The following TRPC4AP variants were observed in gnomAD, a reference collection of about 807,000 sequenced individuals.
TRPC4AP encodes the protein short transient receptor potential channel 4-associated protein.
In TRPC4AP, 45 loss-of-function variants were observed where a neutral mutation model predicts 99.0. The ratio of observed to expected loss-of-function variants is 0.45; its 90% CI spans 0.36 to 0.58. The LOEUF is 0.58. TRPC4AP is among the 20% of genes least tolerant of loss of function. TRPC4AP has a pLI of 0.00. For missense variants in TRPC4AP, 879 were observed against 985.3 expected, an observed-to-expected ratio of 0.89 and a Z score of 1.44; for synonymous variants, 408 against 385.8, an observed-to-expected ratio of 1.06 and a Z score of -0.67.
chr20:35,049,785 G>T lies in TRPC4AP; in HGVS notation c.657+81C>A, dbSNP rs896385969. 4 of 1,450,986 alleles carry T rather than the reference G, an allele frequency of 2.8e-6. No individual in the cohort carries two copies. The East Asian group carries it at 7.1e-5, about 26-fold the overall frequency. The allele number at this position is 1,450,986 out of a possible 1,614,324, so 89.9% of individuals were successfully genotyped here. A position where few individuals can be genotyped will look rare whatever the true frequency, so the allele number is the denominator to read the frequency against. ...TAATTTAACACTTTCTTTTAAAAAAGCTCTGTATATTATTCAGTTTTGAGA... is the reference window on the plus strand; with the variant it reads ...TAATTTAACACTTTCTTTTAAAAAATCTCTGTATATTATTCAGTTTTGAGA... On this transcript the variant is annotated intron_variant, in intron 6 of 18. Transcript: ENST00000252015.
chr20:35,004,488 G>A lies in TRPC4AP; in HGVS notation c.2019C>T (p.Ile673=). Reference sequence around the variant, plus strand: ...TCAGCGTCTGCACGTGGATGATGTTGATGAGGCGGAAGAGGAAGGACATCT... The same window carrying A: ...TCAGCGTCTGCACGTGGATGATGTTAATGAGGCGGAAGAGGAAGGACATCT... ...PTQMSFLFRL[I]NIIHVQTLTQ... The change falls in exon 17 of 19, where the codon ATC becomes ATT. Residue 673 remains isoleucine (I), a synonymous_variant. Coordinates refer to ENST00000252015, the MANE Select transcript of TRPC4AP (RefSeq NM_015638.3). 1 of 1,614,058 alleles carries A rather than the reference G, an allele frequency of 6.2e-7. No individual in the cohort carries two copies. Among genetic ancestry groups the A allele is most frequent in the Non-Finnish European group, 8.5e-7 (1 of 1,179,950 alleles).
At chr20:35,070,872 G>GA (rs1318093223) in intron 2 of TRPC4AP, among the ~76,000 whole-genome samples, 2 of 151,474 alleles carry the variant, frequency 1.3e-5, no homozygotes, top group African/African-American at 4.8e-5. Flanking sequence ...AAGCTAAGAG[G>GA]AAAAAAAATC....
chr20:35,008,885 G>A, intron 12 of TRPC4AP, 138 bp from the exon 13 acceptor site: 2 of 726,322 alleles, frequency 2.8e-6, no homozygotes, highest in African/African-American at 3.5e-5. Context: ...GCTCCAACTG[G>A]GTCCAGAGCC....
Position 35,033,519 on chromosome 20 carries a change from T to G in TRPC4AP, c.1051+1604A>C, listed in dbSNP as rs1406209243. ...ACTAACTGCTGACTGAATTCTCGAC[T>G]GTTTTTGATAATGCCCTGGAGTATA... On this transcript the variant is annotated intron_variant, in intron 8 of 18. Transcript: ENST00000252015. Among the ~76,000 whole-genome samples the G allele has an allele frequency of 2.0e-5, 3 of 152,232 alleles. No homozygotes were observed. In the East Asian group the frequency reaches 5.8e-4, roughly 29 times the overall value.
intron 2 of TRPC4AP, among the ~76,000 whole-genome samples, chr20:35,069,967 C>T (rs564659572): frequency 6.6e-6 from 1 of 152,178 alleles, no homozygotes; most frequent in African/African-American, 2.4e-5. Context: ...GCCTGACAGA[C>T]TTCGCTCTTG....
intron 15 of TRPC4AP, 118 bp downstream of exon 15, chr20:35,006,317 G>T: frequency 8.2e-7 from 1 of 1,226,046 alleles, no homozygotes; most frequent in Non-Finnish European, 1.2e-6. Context: ...GCCAAAGACT[G>T]CCCAGACTCC....
chr20:35,005,931 G>A (rs2082507134), intron 15 of TRPC4AP, 128 bp from the exon 16 acceptor site: 4 of 763,352 alleles, frequency 5.2e-6, no homozygotes. Context: ...TAGGAAGACA[G>A]AGGCTCAGAT....
At position 35,002,428 on chromosome 20, in the gene TRPC4AP, A is replaced by ATAGTC. The variant is rs1025648342; in HGVS notation, c.*713_*717dup. ...GTCATTTTTAAAATAAAGTTATTTA[A>ATAGTC]TAGTCTCCATTTAATTGGTTTATTT... On this transcript the variant is annotated 3_prime_UTR_variant, in exon 19 of 19. Transcript: ENST00000252015. The ATAGTC allele has an allele frequency of 4.8e-6, 2 of 412,518 alleles. No homozygotes were observed. Among genetic ancestry groups the ATAGTC allele is most frequent in the East Asian group, 3.5e-5 (1 of 28,176 alleles). 25.6% of individuals were successfully genotyped at this position (412,518 alleles called of 1,614,324 possible).
At position 35,057,891 on chromosome 20, in the gene TRPC4AP, T is replaced by A. The variant is rs541008731; in HGVS notation, c.415-320A>T. Among the ~76,000 whole-genome samples the A allele has an allele frequency of 3.0e-4, 46 of 152,354 alleles. 1 individual carries two copies. In the South Asian group the frequency reaches 9.5e-3, roughly 32 times the overall value. On this transcript the variant is annotated intron_variant, in intron 3 of 18. Transcript: ENST00000252015. ...AGCTGCAGAACATTATTACTATGAT[T>A]CTTCTGTTTAAAGAACATTTGTAAG...
chr20:35,048,691 C>T (rs1461754238), intron 6 of TRPC4AP, among the ~76,000 whole-genome samples: 1 of 152,056 alleles, frequency 6.6e-6, no homozygotes, highest in Non-Finnish European at 1.5e-5. Context: ...TTTTGGGGTA[C>T]ACAAAAAGGA....
intron 11 of TRPC4AP, among the ~76,000 whole-genome samples, chr20:35,012,667 C>T (rs551368038): frequency 2.1e-4 from 32 of 152,316 alleles, no homozygotes; most frequent in South Asian, 1.9e-3. Context: ...AAGTTCCTGC[C>T]GGCCCCTGGG....
intron 9 of TRPC4AP, among the ~76,000 whole-genome samples, chr20:35,017,647 C>G (rs750304980): frequency 6.6e-6 from 1 of 152,150 alleles, no homozygotes; most frequent in Non-Finnish European, 1.5e-5. Context: ...GCACCTAACT[C>G]AGGTGTTCAG....
At chr20:35,007,364 C>T (rs1396866107) in intron 14 of TRPC4AP, among the ~76,000 whole-genome samples, 186 bp downstream of exon 14, 2 of 152,224 alleles carry the variant, frequency 1.3e-5, no homozygotes, top group African/African-American at 2.4e-5. Flanking sequence ...CCTGTCACCC[C>T]GTAAGCACCC....
intron 3 of TRPC4AP, among the ~76,000 whole-genome samples, chr20:35,065,800 A>C (rs921729472): frequency 2.0e-5 from 3 of 152,220 alleles, no homozygotes; most frequent in African/African-American, 7.2e-5. Context: ...TCCACTGCAA[A>C]TAGACACAGG....
chr20:35,051,334 T>G (rs2083695617), intron 5 of TRPC4AP, among the ~76,000 whole-genome samples: 1 of 152,230 alleles, frequency 6.6e-6, no homozygotes, highest in Admixed American at 6.5e-5. Context: ...GGTCTCACTC[T>G]GTTGCCCAGG....
At chr20:35,042,856 C>T (rs960597462) in intron 7 of TRPC4AP, among the ~76,000 whole-genome samples, 8 of 152,152 alleles carry the variant, frequency 5.3e-5, no homozygotes, top group African/African-American at 1.9e-4. Flanking sequence ...TTACACGGTT[C>T]TAAAATCAAA....
intron 8 of TRPC4AP, among the ~76,000 whole-genome samples, chr20:35,029,146 G>T (rs371574828): frequency 7.2e-5 from 11 of 152,156 alleles, no homozygotes; most frequent in African/African-American, 2.2e-4. Context: ...AACTACTTGG[G>T]AGGCTGAGGC....
chr20:35,013,002 A>C lies in TRPC4AP; in HGVS notation c.1409+6T>G. ...ACTCTCCTTGCAGGGACACTCTTGT[A>C]CTTACTCGTGGTGGTCACTGAAGCT... is the stretch of plus-strand genomic sequence containing the variant. On this transcript the variant is annotated splice_donor_region_variant and intron_variant, in intron 11 of 18. Transcript: ENST00000252015. 6.2e-7 allele frequency: 1 copy of C among 1,614,048 alleles called. No homozygotes were observed. Among genetic ancestry groups the C allele is most frequent in the Non-Finnish European group, 8.5e-7 (1 of 1,179,980 alleles).
intron 3 of TRPC4AP, among the ~76,000 whole-genome samples, chr20:35,060,595 A>AT: frequency 6.7e-6 from 1 of 148,164 alleles, no homozygotes; most frequent in East Asian, 1.9e-4. Flanking sequence ...CAAAAAAAAA[A>AT]AAAAAAAAAA....
Sources: allele counts gnomAD v4.1 joint callset (sites outside exome capture counted in the v4.1 genomes callset), GRCh38; gene constraint gnomAD v4.1.1; transcripts MANE v1.5; gene names NCBI Gene and HGNC (gene_info 2026-07-23, HGNC 2026-07-21).